Variants in KIAA1328 observed in about 807,000 individuals in gnomAD.
KIAA1328 encodes protein hinderin.
A neutral mutation model predicts 68.1 loss-of-function variants in KIAA1328; 52 were observed. The observed-to-expected ratio is 0.76, with a 90% CI of 0.61 to 0.96. KIAA1328 has a LOEUF of 0.96. KIAA1328 is among the 40% of genes least tolerant of loss of function. The pLI, the probability that KIAA1328 is intolerant of heterozygous loss-of-function variation, is 0.00. For synonymous variants in KIAA1328, 232 were observed against 239.4 expected, an observed-to-expected ratio of 0.97 and a Z score of 0.28; for missense variants, 641 against 677.6, an observed-to-expected ratio of 0.95 and a Z score of 0.60.
At chr18:36,936,725 C>T (rs1381993117) in intron 5 of KIAA1328, among the ~76,000 whole-genome samples, 1 of 152,176 alleles carries the variant, frequency 6.6e-6, no homozygotes. Context: ...ATTTACATCC[C>T]TACCAACAGC....
chr18:37,217,640 T>A (rs913610335), intron 9 of KIAA1328, among the ~76,000 whole-genome samples: 3 of 152,204 alleles, frequency 2.0e-5, no homozygotes, highest in African/African-American at 7.2e-5. Context: ...CTGACAATTA[T>A]GTGTCTTGGG....
intron 9 of KIAA1328, among the ~76,000 whole-genome samples, chr18:37,196,738 CT>C (rs2060010729): frequency 1.3e-5 from 2 of 152,036 alleles, no homozygotes; most frequent in Admixed American, 1.3e-4. Flanking sequence ...CTGTAGTCTT[CT>C]TTTTTTGTTG....
At chr18:37,182,812 A>G (rs1193193450) in intron 9 of KIAA1328, among the ~76,000 whole-genome samples, 1 of 152,186 alleles carries the variant, frequency 6.6e-6, no homozygotes, top group Non-Finnish European at 1.5e-5. Context: ...TGCTCATAGG[A>G]TTAAATTCAA....
intron 5 of KIAA1328, among the ~76,000 whole-genome samples, chr18:36,896,617 A>G (rs2048875395): frequency 6.6e-6 from 1 of 152,162 alleles, no homozygotes; most frequent in South Asian, 2.1e-4. Flanking sequence ...TCTTTGTTTA[A>G]TTATCTTTTT....
intron 6 of KIAA1328, among the ~76,000 whole-genome samples, chr18:36,988,602 G>A (rs983235022): frequency 6.6e-6 from 1 of 152,120 alleles, no homozygotes; most frequent in Non-Finnish European, 1.5e-5. Flanking sequence ...TTTAATTATT[G>A]TCTTGCTCTA....
At chr18:36,913,336 T>C (rs578095919) in intron 5 of KIAA1328, among the ~76,000 whole-genome samples, 2 of 150,162 alleles carry the variant, frequency 1.3e-5, no homozygotes, top group South Asian at 2.1e-4. Flanking sequence ...TTGAGCAACA[T>C]AGTAAGACCT....
chr18:36,895,642 G>A, intron 5 of KIAA1328: 1 of 398,284 alleles, frequency 2.5e-6, no homozygotes, highest in Admixed American at 2.6e-5. Flanking sequence ...GGCTTAGCAA[G>A]GTTCGTTTGC....
intron 4 of KIAA1328, among the ~76,000 whole-genome samples, chr18:36,846,017 G>A (rs1044714320): frequency 2.6e-5 from 4 of 151,498 alleles, no homozygotes; most frequent in South Asian, 2.1e-4. Context: ...TACTATTAAC[G>A]TACAAGTATA....
chr18:36,905,301 T>A (rs2049179406), intron 5 of KIAA1328, among the ~76,000 whole-genome samples: 1 of 151,844 alleles, frequency 6.6e-6, no homozygotes, highest in Non-Finnish European at 1.5e-5. Flanking sequence ...TTAGTAGAGA[T>A]GAGTTTCATC....
At chr18:36,850,956 A>T (rs574394557) in intron 4 of KIAA1328, among the ~76,000 whole-genome samples, 1 of 152,284 alleles carries the variant, frequency 6.6e-6, no homozygotes, top group African/African-American at 2.4e-5. Flanking sequence ...TGGGTTTTTC[A>T]TAAGTGCCCT....
At chr18:36,967,633 A>T (rs2051998053) in intron 6 of KIAA1328, among the ~76,000 whole-genome samples, 1 of 152,226 alleles carries the variant, frequency 6.6e-6, no homozygotes, top group African/African-American at 2.4e-5. Context: ...AAGGACTGGG[A>T]CATCAGGAAA....
At chr18:37,119,413 C>T (rs1439915917) in intron 7 of KIAA1328, among the ~76,000 whole-genome samples, 1 of 152,084 alleles carries the variant, frequency 6.6e-6, no homozygotes, top group Non-Finnish European at 1.5e-5. Context: ...TTTATTTTCT[C>T]ACAGTTAGGC....
chr18:36,933,199 A>G (rs1225444312), intron 5 of KIAA1328, among the ~76,000 whole-genome samples: 1 of 152,172 alleles, frequency 6.6e-6, no homozygotes, highest in African/African-American at 2.4e-5. Flanking sequence ...AAATATAAAT[A>G]TAAATACATT....
At chr18:37,225,727 T>C (rs139523354), downstream of KIAA1328, among the ~76,000 whole-genome samples, 288 of 152,312 alleles carry the variant, frequency 1.9e-3, 2 homozygotes, top group South Asian at 0.023. Context: ...GAAGAATGTA[T>C]GTGAGGGCTT....
In KIAA1328 at chr18:36,956,631, A is replaced by G. The variant is rs147556307; in HGVS notation, c.449-2677A>G. 1.6e-4 allele frequency among the ~76,000 whole-genome samples: 25 copies of G among 152,116 alleles called. No individual in the cohort carries two copies. The East Asian group carries it at 4.2e-3, about 26-fold the overall frequency. ...GGACTACCTGTTTTTATATTCTCCCACATAGCATGTGTTTAAATGAATTTG... is the reference window on the plus strand; with the variant it reads ...GGACTACCTGTTTTTATATTCTCCCGCATAGCATGTGTTTAAATGAATTTG... On this transcript the variant is annotated intron_variant, in intron 5 of 9. Coordinates refer to ENST00000280020, the MANE Select transcript of KIAA1328 (RefSeq NM_020776.3).
chr18:37,142,668 C>T (rs2058794778), intron 7 of KIAA1328, among the ~76,000 whole-genome samples: 1 of 152,256 alleles, frequency 6.6e-6, no homozygotes, highest in South Asian at 2.1e-4. Flanking sequence ...ACTTCTGTTT[C>T]ATTGATCTGT....
At chr18:37,126,583 A>T (rs1022364514) in intron 7 of KIAA1328, among the ~76,000 whole-genome samples, 2 of 152,150 alleles carry the variant, frequency 1.3e-5, no homozygotes, top group African/African-American at 4.8e-5. Context: ...AAATGAAGGA[A>T]GAAGGAATAC....
At chr18:37,076,071 A>G (rs542010162) in intron 7 of KIAA1328, among the ~76,000 whole-genome samples, 3,507 of 152,192 alleles carry the variant, frequency 0.023, 105 homozygotes, top group African/African-American at 0.079. Flanking sequence ...AAAATTGACC[A>G]CATAGTTGGA....
intron 6 of KIAA1328, among the ~76,000 whole-genome samples, chr18:36,990,231 C>T (rs1279955229): frequency 6.6e-6 from 1 of 152,068 alleles, no homozygotes; most frequent in Non-Finnish European, 1.5e-5. Context: ...TATTTTCTTA[C>T]TTAATAAAGT....
Sources: gnomAD v4.1 joint callset for allele counts (sites outside exome capture counted in the v4.1 genomes callset) on GRCh38, gnomAD v4.1.1 for gene constraint, MANE v1.5 for transcripts, NCBI Gene and HGNC (gene_info 2026-07-23, HGNC 2026-07-21) for gene names.